Variants in CARMIL1 observed in about 807,000 individuals in gnomAD.
CARMIL1 encodes capping protein regulator and myosin 1 linker 1, also known as F-actin-uncapping protein LRRC16A.
Under a neutral mutation model 177.1 loss-of-function variants are expected in CARMIL1, and 90 were observed. The observed-to-expected ratio is 0.51, with a 90% CI of 0.43 to 0.61. The LOEUF is 0.61. Among genes scored for constraint, CARMIL1 ranks in the 20% least tolerant of loss-of-function variants. The pLI, the probability that CARMIL1 is intolerant of heterozygous loss-of-function variation, is 0.00. For synonymous variants in CARMIL1, 577 were observed against 606.2 expected (o/e 0.95, Z 0.71); for missense variants, 1,380 against 1,667.0 (o/e 0.83, Z 3.00).
intron 29 of CARMIL1, among the ~76,000 whole-genome samples, chr6:25,573,826 T>TA (rs1265282462): frequency 1.3e-5 from 2 of 152,192 alleles, no homozygotes; most frequent in East Asian, 3.9e-4. Flanking sequence ...TTAATTTTTT[T>TA]AAAAAATCCC....
chr6:25,540,217 G>A (rs1808755558), intron 26 of CARMIL1, 139 bp downstream of exon 26: 1 of 770,006 alleles, frequency 1.3e-6, no homozygotes, highest in East Asian at 3.5e-5. Flanking sequence ...TGAATACTGT[G>A]TCTTTTCCAG....
chr6:25,503,250 C>T lies in CARMIL1; in HGVS notation c.1395+3015C>T, dbSNP rs200461545. 4.6e-5 allele frequency among the ~76,000 whole-genome samples: 7 copies of T among 152,160 alleles called. No individual in the cohort carries two copies. The East Asian group carries it at 1.2e-3, about 25-fold the overall frequency. ...GGGAAGTCTTGAAAGTATTGTAGTA[C>T]CATGTTCTCCCCACTTATAACCTGA... On this transcript the variant is annotated intron_variant, in intron 17 of 36. Transcript: ENST00000329474.
At chr6:25,345,572 C>A (rs187815686) in intron 2 of CARMIL1, among the ~76,000 whole-genome samples, 16 of 152,276 alleles carry the variant, frequency 1.1e-4, no homozygotes, top group African/African-American at 3.9e-4. Flanking sequence ...TTAATAGCAT[C>A]CTGCTCTTCC....
At chr6:25,588,366 C>T (rs367694542) in intron 31 of CARMIL1, among the ~76,000 whole-genome samples, 20 of 152,038 alleles carry the variant, frequency 1.3e-4, no homozygotes, top group East Asian at 9.6e-4. Context: ...GGGGACACTA[C>T]AGTTGTCAGG....
chr6:25,392,063 TGTG>T (rs1562076858), intron 2 of CARMIL1, among the ~76,000 whole-genome samples: 2 of 44,606 alleles, frequency 4.5e-5, no homozygotes, highest in Non-Finnish European at 8.5e-5. Context: ...CATGTGTGTG[TGTG>T]TGTGTGTGTG....
chr6:25,433,868 T>C (rs1797016449), intron 4 of CARMIL1, among the ~76,000 whole-genome samples: 1 of 152,196 alleles, frequency 6.6e-6, no homozygotes, highest in Non-Finnish European at 1.5e-5. Flanking sequence ...CATTTTGACA[T>C]ACATATGTTG....
At chr6:25,356,697 G>A (rs1788659476) in intron 2 of CARMIL1, among the ~76,000 whole-genome samples, 2 of 152,216 alleles carry the variant, frequency 1.3e-5, no homozygotes, top group Admixed American at 1.3e-4. Flanking sequence ...TTATCTTGGG[G>A]AGCTACATCA....
At chr6:25,610,434 A>G (rs537461392) in intron 36 of CARMIL1, among the ~76,000 whole-genome samples, 48 of 152,326 alleles carry the variant, frequency 3.2e-4, no homozygotes, top group Middle Eastern at 3.4e-3. Context: ...TTGCAAGAAT[A>G]ATTTCTAGAT....
At chr6:25,282,982 C>A (rs564735884) in intron 1 of CARMIL1, among the ~76,000 whole-genome samples, 4 of 152,124 alleles carry the variant, frequency 2.6e-5, no homozygotes, top group African/African-American at 9.6e-5. Flanking sequence ...GTGAATAGAC[C>A]AAAATGATTA....
intron 2 of CARMIL1, chr6:25,370,064 G>A (rs952922403): frequency 2.6e-5 from 4 of 152,302 alleles, no homozygotes; most frequent in Admixed American, 6.5e-5. Context: ...TCTATCTCCA[G>A]TGCTCTTCTA....
intron 2 of CARMIL1, among the ~76,000 whole-genome samples, chr6:25,395,276 C>A (rs1793273537): frequency 6.6e-6 from 1 of 152,206 alleles, no homozygotes; most frequent in South Asian, 2.1e-4. Context: ...GATACAGAAA[C>A]AAGTGACTGC....
At chr6:25,358,328 G>T (rs567965676) in intron 2 of CARMIL1, among the ~76,000 whole-genome samples, 1 of 152,276 alleles carries the variant, frequency 6.6e-6, no homozygotes, top group Admixed American at 6.5e-5. Context: ...CAGTAGAAAA[G>T]AAGTGGGAAT....
chr6:25,441,321 A>AAACATATATATATC (rs1797729919), intron 5 of CARMIL1, among the ~76,000 whole-genome samples: 1 of 42,448 alleles, frequency 2.4e-5, no homozygotes, highest in African/African-American at 7.3e-5. Context: ...ACAAACAAAC[A>AAACATATATATATC]TATATATATA....
intron 2 of CARMIL1, 101 bp from the exon 3 acceptor site, chr6:25,420,013 C>T (rs1795704093): frequency 1.2e-6 from 1 of 845,926 alleles, no homozygotes; most frequent in African/African-American, 1.7e-5. Flanking sequence ...AGCCATGTGG[C>T]CTTCTGAGGT....
intron 2 of CARMIL1, among the ~76,000 whole-genome samples, chr6:25,406,453 G>A (rs1261978286): frequency 6.7e-6 from 1 of 149,956 alleles, no homozygotes; most frequent in Non-Finnish European, 1.5e-5. Context: ...TAATGTTTGG[G>A]TTCTTAAAAG....
intron 8 of CARMIL1, among the ~76,000 whole-genome samples, chr6:25,458,746 C>T (rs1582023247): frequency 6.6e-6 from 1 of 152,214 alleles, no homozygotes; most frequent in East Asian, 1.9e-4. Flanking sequence ...CTGGCTCTGC[C>T]TCAGCTAGCC....
At chr6:25,305,222 A>G (rs1041059345) in intron 2 of CARMIL1, among the ~76,000 whole-genome samples, 3 of 152,202 alleles carry the variant, frequency 2.0e-5, no homozygotes, top group African/African-American at 7.2e-5. Flanking sequence ...CCTGAGGGTT[A>G]GTGCTAATAC....
intron 2 of CARMIL1, among the ~76,000 whole-genome samples, chr6:25,377,793 C>T (rs575428500): frequency 3.9e-5 from 6 of 152,170 alleles, no homozygotes; most frequent in Non-Finnish European, 8.8e-5. Flanking sequence ...TTGTCTTCTT[C>T]TGCCTGAAGA....
At chr6:25,393,650 G>A (rs1015439836) in intron 2 of CARMIL1, 5 of 151,490 alleles carry the variant, frequency 3.3e-5, no homozygotes, top group African/African-American at 9.7e-5. Flanking sequence ...GAGGCGGGAT[G>A]ATCACTTGAA....
Sources: allele counts gnomAD v4.1 joint callset (sites outside exome capture counted in the v4.1 genomes callset), GRCh38; gene constraint gnomAD v4.1.1; transcripts MANE v1.5; gene names NCBI Gene and HGNC (gene_info 2026-07-23, HGNC 2026-07-21).